MCC: variants seen among roughly 807,000 people sequenced by gnomAD.
MCC encodes the protein MCC regulator of Wnt signaling pathway.
Under a neutral mutation model 116.2 loss-of-function variants are expected in MCC, and 90 were observed. The ratio of observed to expected loss-of-function variants is 0.77; its 90% CI spans 0.65 to 0.92. MCC has a LOEUF of 0.92. MCC is among the 40% of genes least tolerant of loss of function. MCC has a pLI of 0.00. For synonymous variants in MCC, 578 were observed against 510.5 expected, an observed-to-expected ratio of 1.13 and a Z score of -1.78; for missense variants, 1,516 against 1,312.2, an observed-to-expected ratio of 1.16 and a Z score of -2.40.
intron 8 of MCC, among the ~76,000 whole-genome samples, chr5:113,094,372 T>C (rs1199035699): frequency 6.6e-6 from 1 of 151,940 alleles, no homozygotes; most frequent in African/African-American, 2.4e-5. Flanking sequence ...AGTACCTGGA[T>C]GTGTTATAAA....
At chr5:113,078,772 C>T (rs1178722480) in intron 11 of MCC, among the ~76,000 whole-genome samples, 2 of 152,182 alleles carry the variant, frequency 1.3e-5, no homozygotes, top group Non-Finnish European at 2.9e-5. Context: ...CCTCTCTCAC[C>T]ACTCCTATTC....
intron 14 of MCC, among the ~76,000 whole-genome samples, chr5:113,059,369 G>T (rs530484920): frequency 1.3e-5 from 2 of 152,172 alleles, no homozygotes; most frequent in Non-Finnish European, 2.9e-5. Context: ...ATATGATTAT[G>T]ACAATGGTAG....
At chr5:113,298,028 T>C (rs1028265865) in intron 3 of MCC, among the ~76,000 whole-genome samples, 3 of 152,158 alleles carry the variant, frequency 2.0e-5, no homozygotes, top group Non-Finnish European at 4.4e-5. Flanking sequence ...AATGGAATTA[T>C]GGAGATAAGT....
chr5:113,460,969 C>T (rs569125372), intron 1 of MCC, among the ~76,000 whole-genome samples: 1 of 152,200 alleles, frequency 6.6e-6, no homozygotes, highest in African/African-American at 2.4e-5. Context: ...GAAATAGTTG[C>T]ATTAATTACT....
chr5:113,143,251 T>C lies in MCC; in HGVS notation c.851A>G (p.Lys284Arg). The change falls in exon 5 of 19, where the codon AAG becomes AGG. Residue 284 changes from lysine (K) to arginine (R), a missense_variant. Coordinates refer to ENST00000408903, the MANE Select transcript of MCC (RefSeq NM_001085377.2). ...ELHSVIAELNKKIDRLQGTTI... is the reference protein window; with the variant it reads ...ELHSVIAELNRKIDRLQGTTI... ...GGTGCCTTGCAGACGGTCTATCTTCTTGTTGAGCTCCGCAATGACGCTGTG... is the reference window on the plus strand; with the variant it reads ...GGTGCCTTGCAGACGGTCTATCTTCCTGTTGAGCTCCGCAATGACGCTGTG... 6.2e-7 allele frequency: 1 copy of C among 1,611,554 alleles called. No homozygotes were observed. The highest frequency in any genetic ancestry group is 1.3e-5 in the African/African-American group (1 of 74,946).
At chr5:113,155,711 T>C (rs1760134383) in intron 3 of MCC, among the ~76,000 whole-genome samples, 2 of 152,198 alleles carry the variant, frequency 1.3e-5, no homozygotes, top group East Asian at 1.9e-4. Flanking sequence ...AACTATGAAG[T>C]ATGATGAAAA....
chr5:113,285,390 A>T (rs1313075418), intron 3 of MCC, among the ~76,000 whole-genome samples: 1 of 131,246 alleles, frequency 7.6e-6, no homozygotes, highest in Non-Finnish European at 1.6e-5. Flanking sequence ...AAAGTAAAAC[A>T]AATTCAGGCC....
At chr5:113,174,789 A>G (rs1189746051) in intron 3 of MCC, among the ~76,000 whole-genome samples, 2 of 151,968 alleles carry the variant, frequency 1.3e-5, no homozygotes, top group Non-Finnish European at 2.9e-5. Context: ...GGGTCTCCCT[A>G]TGTTGTCCAG....
intron 2 of MCC, among the ~76,000 whole-genome samples, chr5:113,372,339 C>T (rs1037561075): frequency 9.2e-5 from 14 of 152,168 alleles, no homozygotes; most frequent in Non-Finnish European, 2.1e-4. Context: ...TAAGACTGAA[C>T]CAGTTTGTAC....
intron 3 of MCC, among the ~76,000 whole-genome samples, chr5:113,260,182 A>G (rs1306420293): frequency 6.6e-6 from 1 of 152,198 alleles, no homozygotes; most frequent in Non-Finnish European, 1.5e-5. Flanking sequence ...CAAGGACCCT[A>G]AAGAGTTCTT....
At chr5:113,163,334 C>T (rs953906741) in intron 3 of MCC, among the ~76,000 whole-genome samples, 3 of 152,110 alleles carry the variant, frequency 2.0e-5, no homozygotes, top group South Asian at 2.1e-4. Context: ...AATTGTGTGG[C>T]AGGAATAGAA....
chr5:113,461,752 A>G (rs1258775649), intron 1 of MCC, among the ~76,000 whole-genome samples: 18 of 151,748 alleles, frequency 1.2e-4, no homozygotes, highest in African/African-American at 4.3e-4. Flanking sequence ...AGTAAAAAAA[A>G]AAAAAAAAAA....
At chr5:113,488,091 G>A (rs1254630028) in intron 1 of MCC, among the ~76,000 whole-genome samples, 154 bp downstream of exon 1, 1 of 152,106 alleles carries the variant, frequency 6.6e-6, no homozygotes, top group African/African-American at 2.4e-5. Context: ...CTTCGTGGCC[G>A]AGCCGGCTAC....
intron 10 of MCC, 34 bp downstream of exon 10, chr5:113,084,067 G>A (rs1302053606): frequency 5.9e-6 from 9 of 1,536,968 alleles, no homozygotes; most frequent in Non-Finnish European, 6.3e-6. Context: ...GCTCTGCCGG[G>A]TACTTTCTTG....
At chr5:113,059,548 G>C (rs891845601) in intron 14 of MCC, among the ~76,000 whole-genome samples, 1 of 152,194 alleles carries the variant, frequency 6.6e-6, no homozygotes, top group Non-Finnish European at 1.5e-5. Context: ...ACTTTCTGTG[G>C]CTGCATTATT....
chr5:113,469,282 C>T (rs10063375), intron 1 of MCC, among the ~76,000 whole-genome samples: 5,035 of 152,022 alleles, frequency 0.033, 302 homozygotes, highest in African/African-American at 0.12. Context: ...GTTAGGGTGT[C>T]GATTTTAGAT....
At chr5:113,478,723 GCTTTAAGGGT>G (rs1328430653) in intron 1 of MCC, among the ~76,000 whole-genome samples, 22 of 152,134 alleles carry the variant, frequency 1.4e-4, no homozygotes, top group African/African-American at 5.3e-4. Context: ...GAAGCTCTGG[GCTTTAAGGGT>G]CTTTAGATAA....
chr5:113,138,827 T>C (rs1026326297), intron 5 of MCC, among the ~76,000 whole-genome samples: 3 of 152,188 alleles, frequency 2.0e-5, no homozygotes, highest in African/African-American at 7.2e-5. Flanking sequence ...GCCATTCTCT[T>C]TGAAGGGGTA....
intron 3 of MCC, among the ~76,000 whole-genome samples, chr5:113,331,201 C>T (rs1767688608): frequency 1.4e-5 from 2 of 148,144 alleles, no homozygotes; most frequent in African/African-American, 5.3e-5. Context: ...GGGACAAAAG[C>T]ATGTCAATAT....
Sources: gnomAD v4.1 joint callset for allele counts (sites outside exome capture counted in the v4.1 genomes callset) on GRCh38, gnomAD v4.1.1 for gene constraint, MANE v1.5 for transcripts, NCBI Gene and HGNC (gene_info 2026-07-23, HGNC 2026-07-21) for gene names.